POU5F2: variants seen among roughly 807,000 people sequenced by gnomAD.
The protein encoded by POU5F2 is POU domain, class 5, transcription factor 2.
For missense variants in POU5F2, 401 were observed against 426.6 expected, an observed-to-expected ratio of 0.94 and a Z score of 0.53; for synonymous variants, 191 against 178.7, an observed-to-expected ratio of 1.07 and a Z score of -0.55.
rs1561421096 is a variant in POU5F2 at position 93,734,471 on chromosome 5, A to AAGG, written c.*6105_*6106insCCT. On this transcript the variant is annotated 3_prime_UTR_variant, in exon 1 of 1. Coordinates refer to ENST00000606183, the MANE Select transcript of POU5F2 (RefSeq NM_153216.2). ...TTTGAATATGTGATGAAGGCTATGAACCATCTTTAAAGAAAATGCACATAT... is the reference window on the plus strand; with the variant it reads ...TTTGAATATGTGATGAAGGCTATGAAAGGCCATCTTTAAAGAAAATGCACATAT... The AAGG allele has an allele frequency of 6.6e-6, 1 of 152,200 alleles. No homozygotes were observed. Among genetic ancestry groups the AAGG allele is most frequent in the African/African-American group, 2.4e-5 (1 of 41,448 alleles). 9.4% of individuals were successfully genotyped at this position (152,200 alleles called of 1,614,324 possible). A position where few individuals can be genotyped will look rare whatever the true frequency, so the allele number is the denominator to read the frequency against.
Position 93,735,322 on chromosome 5 carries a change from T to C in POU5F2, c.*5255A>G, listed in dbSNP as rs937009087. On this transcript the variant is annotated 3_prime_UTR_variant, in exon 1 of 1. Transcript: ENST00000606183. ...TAGTGATAGAAAATCTTTTAAATTA[T>C]GTGAAGCTGATTAGTGACACATAGA... 2 of 152,208 alleles carry C rather than the reference T, an allele frequency of 1.3e-5. No homozygotes were observed. Among genetic ancestry groups the C allele is most frequent in the African/African-American group, 4.8e-5 (2 of 41,454 alleles). 9.4% of individuals were successfully genotyped at this position (152,208 alleles called of 1,614,324 possible). A position where few individuals can be genotyped will look rare whatever the true frequency, so the allele number is the denominator to read the frequency against.
chr5:93,741,450 C>G lies in POU5F2; in HGVS notation c.114G>C (p.Gln38His), dbSNP rs1748465112. ...AGACCATCACCCTGCCAGGGGCCGCCTGGGTGCTCAACCAGGTCAGAGTGT... is the reference window on the plus strand; with the variant it reads ...AGACCATCACCCTGCCAGGGGCCGCGTGGGTGCTCAACCAGGTCAGAGTGT... ...RVDTLTWLSTQAAPGRVMVWP... is the reference protein window; with the variant it reads ...RVDTLTWLSTHAAPGRVMVWP... Residue 38 changes from glutamine (Q) to histidine (H), a missense_variant, in exon 1 of 1, where the codon CAG becomes CAC. By Grantham distance (24) the Gln-to-His change is conservative. Transcript: ENST00000606183. 6.2e-7 allele frequency: 1 copy of G among 1,613,546 alleles called. No homozygotes were observed. Among genetic ancestry groups the G allele is most frequent in the Non-Finnish European group, 8.5e-7 (1 of 1,179,788 alleles).
chr5:93,741,231 C>T lies in POU5F2; in HGVS notation c.333G>A (p.Pro111=). 2 of 1,613,890 alleles carry T rather than the reference C, an allele frequency of 1.2e-6. No homozygotes were observed. The highest frequency in any genetic ancestry group is 1.7e-6 in the Non-Finnish European group (2 of 1,179,890). Residue 111 remains proline (P), a synonymous_variant, in exon 1 of 1, where the codon CCG becomes CCA. Transcript: ENST00000606183. ...AGATGTCCTCTGGCGGCGGCAACTT[C>T]GGAATGCTCCGCAGGGCAATGTAGG... ...PGPYIALRSI[P]KLPPPEDISG...
In POU5F2 at chr5:93,741,583, G is replaced by T. The variant is rs1178831803; in HGVS notation, c.-20C>A. On this transcript the variant is annotated 5_prime_UTR_variant, in exon 1 of 1. The change creates a new upstream start codon in the 5' untranslated region. Transcript: ENST00000606183. ...GGCCATGGGTGGAATGGCACCCGCA[G>T]CGGCTCTGGTAGGAACTGATGGCCC... The T allele has an allele frequency of 1.3e-6, 2 of 1,500,036 alleles. No homozygotes were observed. The highest frequency in any genetic ancestry group is 2.8e-5 in the African/African-American group (2 of 71,736). 92.9% of individuals were successfully genotyped at this position (1,500,036 alleles called of 1,614,324 possible).
chr5:93,741,302 C>A lies in POU5F2; in HGVS notation c.262G>T (p.Ala88Ser), dbSNP rs1381112241. The change falls in exon 1 of 1, where the codon GCA becomes TCA. Residue 88 changes from alanine to serine, a missense_variant. Physicochemically the swap from Ala to Ser is moderately conservative, Grantham distance 99 (BLOSUM62 1). Transcript: ENST00000606183. ...GAGGGGCGTCGCAACCAGTCCCCTG[C>A]CTCACTAGCTCCAAGACGGGGCCTG... ...PCRPRLGASE[A>S]GDWLRRPSEG... 6.2e-7 allele frequency: 1 copy of A among 1,613,654 alleles called. No homozygotes were observed.
rs994811969 is a variant in POU5F2 at position 93,735,634 on chromosome 5, A to G, written c.*4943T>C. On this transcript the variant is annotated 3_prime_UTR_variant, in exon 1 of 1. Coordinates refer to ENST00000606183, the MANE Select transcript of POU5F2 (RefSeq NM_153216.2). ...AAGGGCTGTCTAGGAAAAGGAGGAA[A>G]TGGAGTTGGTGCTGTGTGACTTTTA... The G allele has an allele frequency of 1.3e-5, 2 of 152,252 alleles. No individual in the cohort carries two copies. Among genetic ancestry groups the G allele is most frequent in the Non-Finnish European group, 2.9e-5 (2 of 68,068 alleles). The allele number at this position is 152,252 out of a possible 1,614,324, so 9.4% of individuals were successfully genotyped here. A position where few individuals can be genotyped will look rare whatever the true frequency, so the allele number is the denominator to read the frequency against.
Position 93,741,374 on chromosome 5 carries a change from G to T in POU5F2, c.190C>A (p.Pro64Thr). The stretch of plus-strand genomic sequence containing the variant: ...AATTCGTGTGGCAGGGGACCCAGGG[G>T]AATCCTCCACACGTCAGGGCCTGGG... ...ICPGPDVWRI[P>T]LGPLPHEFRG... The change falls in exon 1 of 1, where the codon CCC (proline) becomes ACC (threonine). Residue 64 changes from proline (P) to threonine (T), a missense_variant. Coordinates refer to ENST00000606183, the MANE Select transcript of POU5F2 (RefSeq NM_153216.2). The T allele has an allele frequency of 6.2e-7, 1 of 1,612,248 alleles. No individual in the cohort carries two copies. Among genetic ancestry groups the T allele is most frequent in the Admixed American group, 1.7e-5 (1 of 59,918 alleles).
At position 93,739,996 on chromosome 5, in the gene POU5F2, GA is replaced by G. The variant is rs60935235; in HGVS notation, c.*580del. 0.062 allele frequency: 3,907 copies of G among 62,902 alleles called. 114 individuals are homozygous for G. Among genetic ancestry groups the G allele is most frequent in the African/African-American group, 0.13 (2,937 of 21,874 alleles). The allele number at this position is 62,902 out of a possible 1,614,324, so 3.9% of individuals were successfully genotyped here. A position where few individuals can be genotyped will look rare whatever the true frequency, so the allele number is the denominator to read the frequency against. The stretch of plus-strand genomic sequence containing the variant: ...GCACCAGAAATGAAAAGGTAAATCA[GA>G]AAAAAAAAAAAAAAAAAAAATCTTC... On this transcript the variant is annotated 3_prime_UTR_variant, in exon 1 of 1. Coordinates refer to ENST00000606183, the MANE Select transcript of POU5F2 (RefSeq NM_153216.2).
At position 93,740,683 on chromosome 5, in the gene POU5F2, A is replaced by G. The variant is rs1000514855; in HGVS notation, c.881T>C (p.Leu294Pro). 6.2e-7 allele frequency: 1 copy of G among 1,613,928 alleles called. No individual in the cohort carries two copies. The highest frequency in any genetic ancestry group is 1.1e-5 in the South Asian group (1 of 91,060). Reference sequence around the variant, plus strand: ...GATATCCACTGGGAGCCCCAGTCCCAGGTGAAAGCACACTGGTGCTCCTGG... The same window carrying G: ...GATATCCACTGGGAGCCCCAGTCCCGGGTGAAAGCACACTGGTGCTCCTGG... ...PCPGAPVCFH[L>P]GLGLPVDIPH... is the part of the protein sequence containing the mutation. The change falls in exon 1 of 1, where the codon CTG becomes CCG. Residue 294 changes from leucine (L) to proline (P), a missense_variant. Coordinates refer to ENST00000606183, the MANE Select transcript of POU5F2 (RefSeq NM_153216.2).
In POU5F2 at chr5:93,740,482, T is replaced by C. The variant is rs1748155375; in HGVS notation, c.*95A>G. ...CTTTAGACAGTGAATGAGAAATTAA[T>C]ACTAAAAGCCCTCAAATGAACCCTA... On this transcript the variant is annotated 3_prime_UTR_variant, in exon 1 of 1. Coordinates refer to ENST00000606183, the MANE Select transcript of POU5F2 (RefSeq NM_153216.2). 3.8e-6 allele frequency: 5 copies of C among 1,316,010 alleles called. No individual in the cohort carries two copies. Among genetic ancestry groups the C allele is most frequent in the Non-Finnish European group, 3.1e-6 (3 of 956,876 alleles). 81.5% of individuals were successfully genotyped at this position (1,316,010 alleles called of 1,614,324 possible).
chr5:93,741,321 G>C lies in POU5F2; in HGVS notation c.243C>G (p.Pro81=). 6.2e-7 allele frequency: 1 copy of C among 1,613,168 alleles called. No homozygotes were observed. The highest frequency in any genetic ancestry group is 8.5e-7 in the Non-Finnish European group (1 of 1,179,598). The part of the protein sequence containing the change: ...EFRGWIAPCR[P]RLGASEAGDW... ...CCCCTGCCTCACTAGCTCCAAGACGGGGCCTGCAGGGTGCTATCCAGCCCC... is the reference window on the plus strand; with the variant it reads ...CCCCTGCCTCACTAGCTCCAAGACGCGGCCTGCAGGGTGCTATCCAGCCCC... Residue 81 remains proline, a synonymous_variant, in exon 1 of 1, where the codon CCC becomes CCG. Transcript: ENST00000606183.
chr5:93,741,116 C>T lies in POU5F2; in HGVS notation c.448G>A (p.Ala150Thr). The T allele has an allele frequency of 6.2e-7, 1 of 1,613,754 alleles. No homozygotes were observed. ...LGYSQADVGIAVGALFGKVLS... is the reference protein window; with the variant it reads ...LGYSQADVGITVGALFGKVLS... ...ACCTTCCCAAACAGAGCTCCCACAG[C>T]GATCCCCACATCGGCCTGCGAGTAC... Residue 150 changes from alanine (A) to threonine (T), a missense_variant, in exon 1 of 1, where the codon GCT becomes ACT. By Grantham distance (58) the Ala-to-Thr change is moderately conservative. Coordinates refer to ENST00000606183, the MANE Select transcript of POU5F2 (RefSeq NM_153216.2).
At position 93,734,128 on chromosome 5, in the gene POU5F2, G is replaced by A. The variant is rs1746708009; in HGVS notation, c.*6449C>T. On this transcript the variant is annotated 3_prime_UTR_variant, in exon 1 of 1. Coordinates refer to ENST00000606183, the MANE Select transcript of POU5F2 (RefSeq NM_153216.2). The stretch of plus-strand genomic sequence containing the variant: ...CACCTCATGATTTCTTAGAGAATAA[G>A]AAAACTTCTAGGAAAAAGAGAAATT... 6.6e-6 allele frequency: 1 copy of A among 152,110 alleles called. No individual in the cohort carries two copies. Among genetic ancestry groups the A allele is most frequent in the Non-Finnish European group, 1.5e-5 (1 of 68,004 alleles). 9.4% of individuals were successfully genotyped at this position (152,110 alleles called of 1,614,324 possible). A position where few individuals can be genotyped will look rare whatever the true frequency, so the allele number is the denominator to read the frequency against.
rs967701478 is a variant in POU5F2 at position 93,740,310 on chromosome 5, G to A, written c.*267C>T. ...TTAATAAAAAAAGGAACAAAATATC[G>A]AAACCATCTATATACTGTAATGTAC... On this transcript the variant is annotated 3_prime_UTR_variant, in exon 1 of 1. Coordinates refer to ENST00000606183, the MANE Select transcript of POU5F2 (RefSeq NM_153216.2). 2.9e-6 allele frequency: 1 copy of A among 348,906 alleles called. No homozygotes were observed. The highest frequency in any genetic ancestry group is 5.2e-6 in the Non-Finnish European group (1 of 193,604). 21.6% of individuals were successfully genotyped at this position (348,906 alleles called of 1,614,324 possible).
In POU5F2 at chr5:93,741,585, G is replaced by T. The variant is rs375465714; in HGVS notation, c.-22C>A. 4.7e-6 allele frequency: 7 copies of T among 1,494,254 alleles called. No homozygotes were observed. The highest frequency in any genetic ancestry group is 6.2e-6 in the Non-Finnish European group (7 of 1,121,812). 92.6% of individuals were successfully genotyped at this position (1,494,254 alleles called of 1,614,324 possible). ...CCATGGGTGGAATGGCACCCGCAGCGGCTCTGGTAGGAACTGATGGCCCTC... is the reference window on the plus strand; with the variant it reads ...CCATGGGTGGAATGGCACCCGCAGCTGCTCTGGTAGGAACTGATGGCCCTC... On this transcript the variant is annotated 5_prime_UTR_variant, in exon 1 of 1. Transcript: ENST00000606183.
chr5:93,734,148 G>T lies in POU5F2; in HGVS notation c.*6429C>A, dbSNP rs754785607. On this transcript the variant is annotated 3_prime_UTR_variant, in exon 1 of 1. Transcript: ENST00000606183. ...AATAAGAAAACTTCTAGGAAAAAGA[G>T]AAATTGTTCCTTATGATAAGATTTT... 1 of 152,146 alleles carries T rather than the reference G, an allele frequency of 6.6e-6. No individual in the cohort carries two copies. Among genetic ancestry groups the T allele is most frequent in the Non-Finnish European group, 1.5e-5 (1 of 68,024 alleles). 9.4% of individuals were successfully genotyped at this position (152,146 alleles called of 1,614,324 possible).
rs1748092477 is a variant in POU5F2, at chr5:93,740,200, T to A, written c.*377A>T. 1 of 166,494 alleles carries A rather than the reference T, an allele frequency of 6.0e-6. No homozygotes were observed. The highest frequency in any genetic ancestry group is 1.3e-5 in the Non-Finnish European group (1 of 77,270). The allele number at this position is 166,494 out of a possible 1,614,324, so 10.3% of individuals were successfully genotyped here. The stretch of plus-strand genomic sequence containing the variant: ...GTATACTAAGGTAGTCTTCTGTGAC[T>A]TGAGTTTTTCACTTAGTATTGTGTT... On this transcript the variant is annotated 3_prime_UTR_variant, in exon 1 of 1. Transcript: ENST00000606183.
At position 93,735,147 on chromosome 5, in the gene POU5F2, A is replaced by G. The variant is rs1294500000; in HGVS notation, c.*5430T>C. ...ACAATATAGTCTTGGTTTTCTCCCA[A>G]CTCTAAGGGTAGTTATTCTTCTGTT... On this transcript the variant is annotated 3_prime_UTR_variant, in exon 1 of 1. Coordinates refer to ENST00000606183, the MANE Select transcript of POU5F2 (RefSeq NM_153216.2). The G allele has an allele frequency of 3.3e-5, 5 of 151,984 alleles. No individual in the cohort carries two copies. The highest frequency in any genetic ancestry group is 3.3e-4 in the Admixed American group (5 of 15,250). 9.4% of individuals were successfully genotyped at this position (151,984 alleles called of 1,614,324 possible). A position where few individuals can be genotyped will look rare whatever the true frequency, so the allele number is the denominator to read the frequency against.
At position 93,740,710 on chromosome 5, in the gene POU5F2, C is replaced by A. The variant is rs953833530; in HGVS notation, c.854G>T (p.Cys285Phe). 15 of 1,613,380 alleles carry A rather than the reference C, an allele frequency of 9.3e-6. No homozygotes were observed. Among genetic ancestry groups the A allele is most frequent in the Non-Finnish European group, 1.1e-5 (13 of 1,179,666 alleles). The change falls in exon 1 of 1, where the codon TGC becomes TTC. Residue 285 changes from cysteine to phenylalanine, a missense_variant. Cys to Phe is a radical substitution (Grantham distance 205, BLOSUM62 -2). Coordinates refer to ENST00000606183, the MANE Select transcript of POU5F2 (RefSeq NM_153216.2). The stretch of plus-strand genomic sequence containing the variant: ...GTGAAAGCACACTGGTGCTCCTGGG[C>A]AAGGAGGCCCGGCTGTCCCCACAAT... Reference protein sequence around the residue: ...REIVGTAGPPCPGAPVCFHLG... With the variant: ...REIVGTAGPPFPGAPVCFHLG...
Sources: allele counts gnomAD v4.1 joint callset, GRCh38; gene constraint gnomAD v4.1.1; transcripts MANE v1.5; gene names NCBI Gene and HGNC (gene_info 2026-07-23, HGNC 2026-07-21).